Variants in GTPBP10 observed in about 807,000 individuals in gnomAD.
The protein encoded by GTPBP10 is GTP-binding protein 10.
A neutral mutation model predicts 44.8 loss-of-function variants in GTPBP10; 38 were observed. The ratio of observed to expected loss-of-function variants is 0.85; its 90% CI spans 0.65 to 1.11. GTPBP10 has a LOEUF of 1.11. GTPBP10 is among the 50% of genes most tolerant of loss of function. GTPBP10 has a pLI of 0.00. For synonymous variants in GTPBP10, 152 were observed against 150.6 expected (o/e 1.01, Z -0.07); for missense variants, 462 against 453.7 (o/e 1.02, Z -0.17).
At chr7:90,368,538 A>G (rs111577366) in intron 4 of GTPBP10, among the ~76,000 whole-genome samples, 2,354 of 152,064 alleles carry the variant, frequency 0.015, 59 homozygotes, top group African/African-American at 0.052. Context: ...TCATTAATTT[A>G]ATCTTCAATC....
In GTPBP10 at chr7:90,352,944, T is replaced by C; in HGVS notation, c.162T>C (p.Thr54=). The change falls in exon 2 of 10, where the codon ACT becomes ACC. Residue 54 remains threonine (T), a synonymous_variant. Coordinates refer to ENST00000222511, the MANE Select transcript of GTPBP10 (RefSeq NM_033107.4). ...GGGTTGTAGCCCAGAACAGAATGAC[T>C]TTAAAACAACTTAAAGACAGGTATC... ...DVWVVAQNRM[T]LKQLKDRYPR... 1 of 1,613,698 alleles carries C rather than the reference T, an allele frequency of 6.2e-7. No individual in the cohort carries two copies.
At position 90,352,955 on chromosome 7, in the gene GTPBP10, T is replaced by A; in HGVS notation, c.173T>A (p.Leu58His). The change falls in exon 2 of 10, where the codon CTT becomes CAT. Residue 58 changes from leucine to histidine, a missense_variant. Coordinates refer to ENST00000222511, the MANE Select transcript of GTPBP10 (RefSeq NM_033107.4). Reference protein sequence around the residue: ...VAQNRMTLKQLKDRYPRKRFV... With the variant: ...VAQNRMTLKQHKDRYPRKRFV... ...CAGAACAGAATGACTTTAAAACAAC[T>A]TAAAGACAGGTATCCTCGGAAACGG... The A allele has an allele frequency of 6.2e-7, 1 of 1,613,278 alleles. No homozygotes were observed. Among genetic ancestry groups the A allele is most frequent in the Non-Finnish European group, 8.5e-7 (1 of 1,179,556 alleles).
chr7:90,361,386 A>G (rs174066), intron 4 of GTPBP10, among the ~76,000 whole-genome samples: 117,522 of 151,998 alleles, frequency 0.77, 45,586 homozygotes, highest in East Asian at 0.89. Flanking sequence ...ATCTATTGAG[A>G]TAATCATGTG....
At position 90,372,161 on chromosome 7, in the gene GTPBP10, A is replaced by C; in HGVS notation, c.471A>C (p.Pro157=). 6.3e-7 allele frequency: 1 copy of C among 1,598,746 alleles called. No individual in the cohort carries two copies. Among genetic ancestry groups the C allele is most frequent in the Non-Finnish European group, 8.6e-7 (1 of 1,169,358 alleles). ...LIADVGLVGF[P]NAGKSSLLSC... is the part of the protein sequence containing the mutation. ...TTTTATATTCTTGTTTCAGATTCCC[A>C]AATGCTGGAAAATCCTCTTTGCTAA... Residue 157 remains proline (P), a synonymous_variant, in exon 5 of 10, where the codon CCA becomes CCC. Transcript: ENST00000222511.
At chr7:90,364,427 C>T (rs1796091147) in intron 4 of GTPBP10, among the ~76,000 whole-genome samples, 1 of 152,214 alleles carries the variant, frequency 6.6e-6, no homozygotes. Flanking sequence ...TGGGTATCAG[C>T]AGCAGAGGCT....
chr7:90,350,803 C>G (rs1795776618), intron 1 of GTPBP10, among the ~76,000 whole-genome samples: 1 of 152,144 alleles, frequency 6.6e-6, no homozygotes, highest in South Asian at 2.1e-4. Flanking sequence ...CTTGAGATAG[C>G]AGGCCATCGC....
intron 8 of GTPBP10, among the ~76,000 whole-genome samples, chr7:90,381,978 C>T (rs1217872640): frequency 2.0e-5 from 3 of 152,062 alleles, no homozygotes; most frequent in East Asian, 3.9e-4. Flanking sequence ...AGAGAAGTTC[C>T]ATGACATTTG....
At chr7:90,376,198 C>G (rs1796343123) in intron 6 of GTPBP10, among the ~76,000 whole-genome samples, 1 of 151,858 alleles carries the variant, frequency 6.6e-6, no homozygotes, top group African/African-American at 2.4e-5. Context: ...TTGCCCCACT[C>G]CACTCCAGGC....
intron 4 of GTPBP10, among the ~76,000 whole-genome samples, chr7:90,357,643 A>G (rs1170933453): frequency 6.6e-6 from 1 of 152,194 alleles, no homozygotes; most frequent in Non-Finnish European, 1.5e-5. Flanking sequence ...GAACTCTGTG[A>G]AGGCGGGAAT....
intron 4 of GTPBP10, among the ~76,000 whole-genome samples, chr7:90,362,516 G>A (rs1796044359): frequency 6.6e-6 from 1 of 152,140 alleles, no homozygotes; most frequent in African/African-American, 2.4e-5. Flanking sequence ...TGTAATTTCT[G>A]TTCTTTTACA....
intron 1 of GTPBP10, among the ~76,000 whole-genome samples, chr7:90,347,242 G>C (rs1381886603): frequency 6.6e-6 from 1 of 152,012 alleles, no homozygotes; most frequent in East Asian, 1.9e-4. Context: ...CTTAAGAATC[G>C]TTTCCGTAAA....
chr7:90,354,549 GGTGAGT>G lies in GTPBP10; in HGVS notation c.319+3_319+8del. On this transcript the variant is annotated splice_donor_variant and splice_donor_5th_base_variant and intron_variant, in intron 3 of 9. Coordinates refer to ENST00000222511, the MANE Select transcript of GTPBP10 (RefSeq NM_033107.4). LOFTEE classifies it high-confidence loss of function. ...AACTGATGAAAATGGTAAAATTATA[GGTGAGT>G]GTACTATAACTCCAAAAGTTGTAAA... 1 of 1,513,772 alleles carries G rather than the reference GGTGAGT, an allele frequency of 6.6e-7. No homozygotes were observed. The highest frequency in any genetic ancestry group is 9.1e-7 in the Non-Finnish European group (1 of 1,104,844). The allele number at this position is 1,513,772 out of a possible 1,614,324, so 93.8% of individuals were successfully genotyped here.
chr7:90,371,212 T>C (rs1040826943), intron 4 of GTPBP10: 1 of 972,130 alleles, frequency 1.0e-6, no homozygotes, highest in Non-Finnish European at 1.2e-6. Flanking sequence ...CTATTAACAG[T>C]GTCTGTCTAC....
chr7:90,351,163 A>C (rs1456364433), intron 1 of GTPBP10, among the ~76,000 whole-genome samples: 2 of 152,244 alleles, frequency 1.3e-5, no homozygotes, highest in Non-Finnish European at 2.9e-5. Flanking sequence ...TACTACAGTT[A>C]ATTTTATGCA....
intron 1 of GTPBP10, among the ~76,000 whole-genome samples, chr7:90,351,148 C>G (rs42655): frequency 0.9 from 137,395 of 152,322 alleles, 62,244 homozygotes; most frequent in East Asian, 1. Flanking sequence ...CAGTATTCCA[C>G]GATGTACTAC....
chr7:90,354,394 G>C (rs746221395), intron 2 of GTPBP10, 64 bp from the exon 3 acceptor site: 14 of 672,632 alleles, frequency 2.1e-5, no homozygotes, highest in African/African-American at 3.8e-5. Context: ...CATTTTGTGT[G>C]TATGTGTGTG....
intron 4 of GTPBP10, chr7:90,371,116 G>T (rs1256864732): frequency 1.6e-6 from 1 of 639,026 alleles, no homozygotes; most frequent in Non-Finnish European, 1.9e-6. Flanking sequence ...TCATTGCATT[G>T]TTTAAAGTTA....
chr7:90,367,477 A>G (rs1796157828), intron 4 of GTPBP10, among the ~76,000 whole-genome samples: 1 of 152,172 alleles, frequency 6.6e-6, no homozygotes, highest in South Asian at 2.1e-4. Flanking sequence ...TATTGGGTGC[A>G]TACCTATTTA....
chr7:90,384,388 A>G (rs968984636), intron 9 of GTPBP10, among the ~76,000 whole-genome samples: 5 of 152,168 alleles, frequency 3.3e-5, no homozygotes, highest in African/African-American at 1.2e-4. Flanking sequence ...GATTGGACTC[A>G]TCTGAAATTA....
Sources: allele counts gnomAD v4.1 joint callset (sites outside exome capture counted in the v4.1 genomes callset), GRCh38; gene constraint gnomAD v4.1.1; transcripts MANE v1.5; gene names NCBI Gene and HGNC (gene_info 2026-07-23, HGNC 2026-07-21).